Variants in TCF7L1 observed in about 807,000 individuals in gnomAD.
The protein encoded by TCF7L1 is transcription factor 7-like 1.
A neutral mutation model predicts 63.7 loss-of-function variants in TCF7L1; 18 were observed. That is an observed-to-expected ratio of 0.28 (90% confidence interval 0.20 to 0.42). The LOEUF (loss-of-function observed/expected upper bound fraction) is 0.42. Ranked by LOEUF, TCF7L1 falls within the 10% of genes least tolerant of loss-of-function variation. The pLI is 1.00. For missense variants in TCF7L1, 654 were observed against 779.3 expected (o/e 0.84, Z 1.91); for synonymous variants, 355 against 340.9 (o/e 1.04, Z -0.46).
At chr2:85,197,007 C>T (rs13397589) in intron 3 of TCF7L1, among the ~76,000 whole-genome samples, 4,768 of 152,234 alleles carry the variant, frequency 0.031, 265 homozygotes, top group African/African-American at 0.11. Flanking sequence ...CAGGGCCTTG[C>T]GTGCAGGTTT....
At chr2:85,262,686 A>G (rs1449987183) in intron 3 of TCF7L1, among the ~76,000 whole-genome samples, 1 of 152,252 alleles carries the variant, frequency 6.6e-6, no homozygotes, top group African/African-American at 2.4e-5. Flanking sequence ...GGGGATACCC[A>G]GGAACTCACA....
intron 3 of TCF7L1, among the ~76,000 whole-genome samples, chr2:85,260,434 C>T (rs951668452): frequency 6.6e-6 from 1 of 151,628 alleles, no homozygotes; most frequent in Non-Finnish European, 1.5e-5. Context: ...CCCAGGAGTT[C>T]GAGACCAGCC....
At chr2:85,250,071 T>C (rs1163747578) in intron 3 of TCF7L1, among the ~76,000 whole-genome samples, 1 of 152,196 alleles carries the variant, frequency 6.6e-6, no homozygotes, top group African/African-American at 2.4e-5. Flanking sequence ...AAATTAATGA[T>C]AGAAAGAGAA....
At chr2:85,219,468 T>C (rs955660845) in intron 3 of TCF7L1, among the ~76,000 whole-genome samples, 2 of 152,192 alleles carry the variant, frequency 1.3e-5, no homozygotes, top group African/African-American at 4.8e-5. Flanking sequence ...AAACAACATA[T>C]GTGGCCATCT....
intron 3 of TCF7L1, among the ~76,000 whole-genome samples, chr2:85,232,337 A>G (rs987395365): frequency 2.0e-5 from 3 of 151,966 alleles, no homozygotes; most frequent in Non-Finnish European, 2.9e-5. Context: ...TTTCTTCTCC[A>G]TTTCTTTTTA....
chr2:85,230,248 A>C (rs1290456911), intron 3 of TCF7L1, among the ~76,000 whole-genome samples: 1 of 152,188 alleles, frequency 6.6e-6, no homozygotes, highest in Non-Finnish European at 1.5e-5. Context: ...AGTGCAGTGC[A>C]TGATTCTTAT....
At chr2:85,180,547 TCA>T (rs1194065216) in intron 3 of TCF7L1, among the ~76,000 whole-genome samples, 1 of 152,154 alleles carries the variant, frequency 6.6e-6, no homozygotes, top group East Asian at 1.9e-4. Flanking sequence ...GTGAATCTTC[TCA>T]GTTATCCACA....
chr2:85,287,524 G>C (rs757872013), intron 4 of TCF7L1, among the ~76,000 whole-genome samples: 1 of 152,172 alleles, frequency 6.6e-6, no homozygotes, highest in South Asian at 2.1e-4. Flanking sequence ...TGGTGGAGCA[G>C]GGGTCCCTTA....
Position 85,173,678 on chromosome 2 carries a change from G to A in TCF7L1, c.441+39228G>A, listed in dbSNP as rs115439637. 4.5e-3 allele frequency among the ~76,000 whole-genome samples: 692 copies of A among 152,184 alleles called. 4 individuals are homozygous for A. Among genetic ancestry groups the A allele is most frequent in the African/African-American group, 0.016 (661 of 41,514 alleles). ...GTTGGAACTATAGGCACATACTACGGTGCCTGGTTTAAGCCAGTTTTTAAA... is the reference window on the plus strand; with the variant it reads ...GTTGGAACTATAGGCACATACTACGATGCCTGGTTTAAGCCAGTTTTTAAA... On this transcript the variant is annotated intron_variant, in intron 3 of 11. Transcript: ENST00000282111.
At chr2:85,284,407 C>T (rs1391527269) in intron 4 of TCF7L1, among the ~76,000 whole-genome samples, 2 of 152,222 alleles carry the variant, frequency 1.3e-5, no homozygotes, top group African/African-American at 4.8e-5. Flanking sequence ...CTGCCAGGCC[C>T]TGTGGCAATA....
At chr2:85,217,375 TA>T (rs1679733542) in intron 3 of TCF7L1, among the ~76,000 whole-genome samples, 1 of 152,206 alleles carries the variant, frequency 6.6e-6, no homozygotes, top group Non-Finnish European at 1.5e-5. Context: ...CTACACTCTT[TA>T]ATTTCCAAGG....
intron 3 of TCF7L1, chr2:85,232,835 A>G (rs1266964807): frequency 6.6e-6 from 1 of 152,252 alleles, no homozygotes; most frequent in African/African-American, 2.4e-5. Context: ...AATAACAGCA[A>G]CAGGAATTAA....
rs142998108 is a variant in TCF7L1, at chr2:85,133,912, G to C, written c.228G>C (p.Gln76His). ...CCCTGGTCAACGAGTCGGAGAACCA[G>C]AGCAGCAGCTCGGACTCGGAGGTAA... ...KSSLVNESEN[Q>H]SSSSDSEAER... The change falls in exon 1 of 12, where the codon CAG (glutamine) becomes CAC (histidine). Residue 76 changes from glutamine to histidine, a missense_variant. Gln to His is a conservative substitution (Grantham distance 24). Coordinates refer to ENST00000282111, the MANE Select transcript of TCF7L1 (RefSeq NM_031283.3). This position sits in a 1 kb window ranked among gnomAD's most constrained non-coding sequence, Gnocchi z 4.4. 3.3e-6 allele frequency: 5 copies of C among 1,530,068 alleles called. No homozygotes were observed. In the African/African-American group the frequency reaches 5.5e-5, roughly 17 times the overall value. The allele number at this position is 1,530,068 out of a possible 1,614,324, so 94.8% of individuals were successfully genotyped here.
chr2:85,162,489 C>A (rs150343099), intron 3 of TCF7L1, among the ~76,000 whole-genome samples: 1 of 152,178 alleles, frequency 6.6e-6, no homozygotes, highest in African/African-American at 2.4e-5. Flanking sequence ...CAGCTTCACT[C>A]GAGCAGTGGT....
intron 4 of TCF7L1, among the ~76,000 whole-genome samples, chr2:85,284,378 C>T (rs565950951): frequency 6.6e-6 from 1 of 152,304 alleles, no homozygotes; most frequent in South Asian, 2.1e-4. Context: ...AAATGCTCCT[C>T]AGGGCAGCCG....
intron 3 of TCF7L1, among the ~76,000 whole-genome samples, chr2:85,186,091 C>T (rs1305854842): frequency 6.6e-6 from 1 of 151,786 alleles, no homozygotes; most frequent in South Asian, 2.1e-4. Flanking sequence ...CTCAGCCTCC[C>T]GAGTAGCTGG....
At chr2:85,227,149 C>T (rs957328711) in intron 3 of TCF7L1, among the ~76,000 whole-genome samples, 8 of 152,114 alleles carry the variant, frequency 5.3e-5, no homozygotes, top group Admixed American at 2.0e-4. Flanking sequence ...GCTGTTTTTC[C>T]GGCATCTACC....
At chr2:85,173,189 T>C (rs1404127386) in intron 3 of TCF7L1, among the ~76,000 whole-genome samples, 1 of 152,200 alleles carries the variant, frequency 6.6e-6, no homozygotes. Flanking sequence ...TCCCCATCTT[T>C]TCCTGCTCTG....
At chr2:85,205,317 A>T (rs138542343) in intron 3 of TCF7L1, among the ~76,000 whole-genome samples, 44 of 152,300 alleles carry the variant, frequency 2.9e-4, no homozygotes, top group African/African-American at 1.0e-3. Flanking sequence ...CTCAGTGCTG[A>T]GCAGGCCTAG....
Sources: allele counts gnomAD v4.1 joint callset (sites outside exome capture counted in the v4.1 genomes callset), GRCh38; gene constraint gnomAD v4.1.1; non-coding constraint Gnocchi (gnomAD v3.1); transcripts MANE v1.5; gene names NCBI Gene and HGNC (gene_info 2026-07-23, HGNC 2026-07-21).